SSBP3: variants seen among roughly 807,000 people sequenced by gnomAD.
SSBP3 encodes the protein single-stranded DNA-binding protein 3.
A neutral mutation model predicts 69.6 loss-of-function variants in SSBP3; 5 were observed. That is an observed-to-expected ratio of 0.07 (90% CI 0.04 to 0.15). The LOEUF is 0.15. SSBP3 is among the 10% of genes least tolerant of loss of function. The probability of loss-of-function intolerance (pLI) is 1.00; values close to 1 mark genes in which losing one functional copy is unlikely to be tolerated. For missense variants in SSBP3, 312 were observed against 534.0 expected (o/e 0.58, Z 4.10); for synonymous variants, 196 against 193.4 (o/e 1.01, Z -0.11).
intron 4 of SSBP3, among the ~76,000 whole-genome samples, chr1:54,306,606 GATA>G (rs1270353535): frequency 6.6e-6 from 1 of 152,190 alleles, no homozygotes; most frequent in Non-Finnish European, 1.5e-5. Flanking sequence ...TTAGAAAGAA[GATA>G]ATAATACTAA....
chr1:54,233,317 G>A (rs1194626893), intron 14 of SSBP3, among the ~76,000 whole-genome samples: 9 of 143,938 alleles, frequency 6.3e-5, no homozygotes, highest in African/African-American at 1.8e-4. Context: ...CCGCGACCCC[G>A]TCTGGGAGGT....
intron 14 of SSBP3, among the ~76,000 whole-genome samples, chr1:54,230,097 C>T (rs951554497): frequency 6.6e-6 from 1 of 152,174 alleles, no homozygotes; most frequent in African/African-American, 2.4e-5. Flanking sequence ...GCATGGCGTG[C>T]CAGAGCACAG....
At chr1:54,379,240 G>A (rs10888849) in intron 4 of SSBP3, among the ~76,000 whole-genome samples, 91,013 of 152,164 alleles carry the variant, frequency 0.6, 28,569 homozygotes, top group African/African-American at 0.78. Context: ...TTCGCCAGCA[G>A]CACACCTCGG....
chr1:54,405,677 C>A (rs1385918029), intron 1 of SSBP3, among the ~76,000 whole-genome samples: 1 of 151,956 alleles, frequency 6.6e-6, no homozygotes, highest in Non-Finnish European at 1.5e-5. Context: ...CGCGGGCCCC[C>A]GCGCTCGACC....
At chr1:54,296,213 G>A (rs550585849) in intron 4 of SSBP3, among the ~76,000 whole-genome samples, 3 of 152,270 alleles carry the variant, frequency 2.0e-5, no homozygotes, top group African/African-American at 7.2e-5. Context: ...AACTCCCAAA[G>A]GTTTTCATGT....
At chr1:54,408,444 C>G (rs917282176), upstream of SSBP3, among the ~76,000 whole-genome samples, 1 of 152,168 alleles carries the variant, frequency 6.6e-6, no homozygotes, top group African/African-American at 2.4e-5. Context: ...GATGGCTTGT[C>G]AACAGACTGA....
At chr1:54,381,344 C>T (rs1647622252) in intron 4 of SSBP3, among the ~76,000 whole-genome samples, 1 of 128,388 alleles carries the variant, frequency 7.8e-6, no homozygotes, top group Non-Finnish European at 1.6e-5. Context: ...TATCGTGACA[C>T]TGTACTCCAG....
upstream of SSBP3, among the ~76,000 whole-genome samples, chr1:54,410,540 C>G (rs1167658702): frequency 6.6e-6 from 1 of 152,238 alleles, no homozygotes; most frequent in Admixed American, 6.5e-5. Context: ...CTGCACCCGG[C>G]ACGCTCAGTC....
intron 4 of SSBP3, among the ~76,000 whole-genome samples, chr1:54,350,420 A>G (rs1646763070): frequency 6.6e-6 from 1 of 152,240 alleles, no homozygotes; most frequent in Non-Finnish European, 1.5e-5. Context: ...TGTGCCAAGC[A>G]CAAGGCAGCC....
At chr1:54,243,324 C>A (rs1466722896) in intron 9 of SSBP3, 25 bp from the exon 10 acceptor site, 1 of 1,613,858 alleles carries the variant, frequency 6.2e-7, no homozygotes. Context: ...AAGGGTCAGT[C>A]TATGAGAAGA....
chr1:54,328,887 T>C (rs895898207), intron 4 of SSBP3, among the ~76,000 whole-genome samples: 22 of 152,176 alleles, frequency 1.4e-4, no homozygotes. Context: ...TTCCTCCACA[T>C]GACGGTGGAA....
rs114397454 is a variant in SSBP3 at position 54,244,646 on chromosome 1, C to T, written c.652-1347G>A. On this transcript the variant is annotated intron_variant, in intron 9 of 17. Transcript: ENST00000610401. ...AGGCACAGCGGGGTGGGTCAAGGCA[C>T]CAGGCCTCGTATCACGCGCATCTCT... Among the ~76,000 whole-genome samples, 973 of 152,318 alleles carry T rather than the reference C, an allele frequency of 6.4e-3. 11 individuals are homozygous for T. Among genetic ancestry groups the T allele is most frequent in the African/African-American group, 0.022 (931 of 41,568 alleles).
chr1:54,387,135 T>C (rs574359066), intron 4 of SSBP3, among the ~76,000 whole-genome samples: 1 of 152,228 alleles, frequency 6.6e-6, no homozygotes, highest in Non-Finnish European at 1.5e-5. Flanking sequence ...GTATGATTAC[T>C]CACACGTGCT....
intron 4 of SSBP3, among the ~76,000 whole-genome samples, chr1:54,344,809 C>T (rs1044455060): frequency 3.9e-5 from 6 of 152,098 alleles, no homozygotes; most frequent in Admixed American, 3.3e-4. Flanking sequence ...CTCAGGAGTT[C>T]GAGACCAGCC....
At chr1:54,338,555 A>C (rs568255364) in intron 4 of SSBP3, among the ~76,000 whole-genome samples, 13 of 152,220 alleles carry the variant, frequency 8.5e-5, no homozygotes, top group Non-Finnish European at 1.8e-4. Flanking sequence ...ATTCAGGGTA[A>C]CTGTCCGGTC....
At chr1:54,359,192 A>G (rs1031870879) in intron 4 of SSBP3, among the ~76,000 whole-genome samples, 2 of 145,064 alleles carry the variant, frequency 1.4e-5, no homozygotes, top group Non-Finnish European at 3.0e-5. Context: ...ATGAGTTGCT[A>G]TAATTACCCT....
intron 14 of SSBP3, chr1:54,238,007 A>T: frequency 1.3e-5 from 5 of 386,244 alleles, no homozygotes; most frequent in South Asian, 1.0e-4. Flanking sequence ...CATACTTTCC[A>T]CCCAACCTTC....
At chr1:54,397,414 G>A (rs1008728433) in intron 4 of SSBP3, among the ~76,000 whole-genome samples, 8 of 152,216 alleles carry the variant, frequency 5.3e-5, no homozygotes, top group African/African-American at 1.9e-4. Flanking sequence ...CTGCCACACA[G>A]CCACAAATAC....
chr1:54,394,142 G>A (rs185729795), intron 4 of SSBP3, among the ~76,000 whole-genome samples: 2 of 152,288 alleles, frequency 1.3e-5, no homozygotes, highest in Admixed American at 1.3e-4. Flanking sequence ...TGCACAGCTC[G>A]TAACTGCAAC....
Sources: allele counts gnomAD v4.1 joint callset (sites outside exome capture counted in the v4.1 genomes callset), GRCh38; gene constraint gnomAD v4.1.1; transcripts MANE v1.5; gene names NCBI Gene and HGNC (gene_info 2026-07-23, HGNC 2026-07-21).